BAP1: variants seen among roughly 807,000 people sequenced by gnomAD.
BAP1 encodes BRCA1 associated deubiquitinase 1, also known as ubiquitin carboxyl-terminal hydrolase BAP1.
BAP1 carries 16 observed loss-of-function variants against 77.2 expected under a neutral mutation model. The observed-to-expected ratio is 0.21, with a 90% CI of 0.14 to 0.31. BAP1 has a LOEUF of 0.31. Among genes scored for constraint, BAP1 ranks in the 10% least tolerant of loss-of-function variants. The pLI, the probability that BAP1 is intolerant of heterozygous loss-of-function variation, is 1.00. For synonymous variants in BAP1, 362 were observed against 385.2 expected, an observed-to-expected ratio of 0.94 and a Z score of 0.71; for missense variants, 699 against 967.3, an observed-to-expected ratio of 0.72 and a Z score of 3.68.
chr3:52,405,646 CGG>C lies in BAP1; in HGVS notation c.931+117_931+118del, dbSNP rs372474338. 7,290 of 1,474,658 alleles carry C rather than the reference CGG, an allele frequency of 4.9e-3. 46 individuals carry two copies. The highest frequency in any genetic ancestry group is 0.015 in the South Asian group (1,224 of 81,362). 91.3% of individuals were successfully genotyped at this position (1,474,658 alleles called of 1,614,324 possible). On this transcript the variant is annotated intron_variant, in intron 10 of 16. Coordinates refer to ENST00000460680, the MANE Select transcript of BAP1 (RefSeq NM_004656.4). ...GGACTGCTCTCCCTCTACCTTCTGA[CGG>C]GGGAAGAACACTGCCCAAGGACATC... is the stretch of plus-strand genomic sequence containing the variant.
chr3:52,409,769 G>A (rs755211106), intron 1 of BAP1, 26 bp from the exon 2 acceptor site: 3 of 1,613,620 alleles, frequency 1.9e-6, no homozygotes, highest in South Asian at 1.1e-5. Flanking sequence ...AGAGGAGGGG[G>A]TGATGGTCAG....
chr3:52,407,264 T>C lies in BAP1; in HGVS notation c.490A>G (p.Thr164Ala), dbSNP rs748856655. The C allele has an allele frequency of 6.2e-7, 1 of 1,614,126 alleles. No individual in the cohort carries two copies. ...CTGACAAAGTGGAACGCCTCCATGG[T>C]CCGCACTGCACTAAGGCCATTCTGC... ...EKQNGLSAVR[T>A]MEAFHFVSYV... The change falls in exon 7 of 17, where the codon ACC becomes GCC. Residue 164 changes from threonine (T) to alanine (A), a missense_variant. Thr to Ala is a moderately conservative substitution (Grantham distance 58). This residue lies in a region of BAP1 where 160 missense variants were observed against 322.8 expected (regional missense o/e 0.50). Coordinates refer to ENST00000460680, the MANE Select transcript of BAP1 (RefSeq NM_004656.4).
In BAP1 at chr3:52,401,590, A is replaced by G. The variant is rs1704957292; in HGVS notation, c.*698T>C. 4.3e-6 allele frequency: 1 copy of G among 234,592 alleles called. No individual in the cohort carries two copies. The highest frequency in any genetic ancestry group is 2.2e-5 in the African/African-American group (1 of 45,486). 14.5% of individuals were successfully genotyped at this position (234,592 alleles called of 1,614,324 possible). A position where few individuals can be genotyped will look rare whatever the true frequency, so the allele number is the denominator to read the frequency against. ...CTGGCTAGAACAAGGAAGACAGTTCACAGGCCACTGAACAGTTCCCACATG... is the reference window on the plus strand; with the variant it reads ...CTGGCTAGAACAAGGAAGACAGTTCGCAGGCCACTGAACAGTTCCCACATG... On this transcript the variant is annotated 3_prime_UTR_variant, in exon 17 of 17. Coordinates refer to ENST00000460680, the MANE Select transcript of BAP1 (RefSeq NM_004656.4).
Position 52,408,588 on chromosome 3 carries a change from G to A in BAP1, c.141C>T (p.Ile47=), listed in dbSNP as rs973389335. The A allele has an allele frequency of 6.8e-6, 11 of 1,610,050 alleles. No homozygotes were observed. In the African/African-American group the frequency reaches 8.0e-5, roughly 12 times the overall value. ...GCTCTTCGATCCATTTGAACAGGAA[G>A]ATAAATCCATATACAGGGCTGGGGG... ...SKCQGPVYGF[I]FLFKWIEERR... is the part of the protein sequence containing the mutation. Residue 47 remains isoleucine, a synonymous_variant, in exon 4 of 17, where the codon ATC becomes ATT. Transcript: ENST00000460680.
At position 52,405,905 on chromosome 3, in the gene BAP1, C is replaced by G. The variant is rs978943999; in HGVS notation, c.791G>C (p.Arg264Thr). ...TVLEALQQLI[R>T]VTQPELIQTH... ...CTGAATCAGCTCTGGCTGTGTTACTCTTATCAGCTAACAACAGAATCCAGG... is the reference window on the plus strand; with the variant it reads ...CTGAATCAGCTCTGGCTGTGTTACTGTTATCAGCTAACAACAGAATCCAGG... The change falls in exon 10 of 17, where the codon AGA becomes ACA. Residue 264 changes from arginine to threonine, a missense_variant. Coordinates refer to ENST00000460680, the MANE Select transcript of BAP1 (RefSeq NM_004656.4). The G allele has an allele frequency of 3.2e-5, 51 of 1,613,982 alleles. No homozygotes were observed. Among genetic ancestry groups the G allele is most frequent in the Non-Finnish European group, 4.2e-5 (49 of 1,180,060 alleles).
In BAP1 at chr3:52,403,038, T is replaced by G. The variant is rs780012037; in HGVS notation, c.1890+100A>C. The G allele has an allele frequency of 3.8e-6, 6 of 1,598,906 alleles. No individual in the cohort carries two copies. The African/African-American group carries it at 6.7e-5, about 18-fold the overall frequency. The stretch of plus-strand genomic sequence containing the variant: ...GGCACATGGCTCCAGCCACCAATCT[T>G]CACACCAAAGTTCCAATCAAGAACT... On this transcript the variant is annotated intron_variant, in intron 14 of 16. Coordinates refer to ENST00000460680, the MANE Select transcript of BAP1 (RefSeq NM_004656.4). This position sits in a 1 kb window ranked among gnomAD's most constrained non-coding sequence, Gnocchi z 4.0.
rs148110495 is a variant in BAP1 at position 52,405,647 on chromosome 3, G to A, written c.931+118C>T. On this transcript the variant is annotated intron_variant, in intron 10 of 16. Transcript: ENST00000460680. ...GACTGCTCTCCCTCTACCTTCTGAC[G>A]GGGGAAGAACACTGCCCAAGGACAT... is the stretch of plus-strand genomic sequence containing the variant. The A allele has an allele frequency of 7.5e-4, 1,091 of 1,460,486 alleles. 13 individuals are homozygous for A. In the South Asian group the frequency reaches 8.7e-3, roughly 12 times the overall value. The allele number at this position is 1,460,486 out of a possible 1,614,324, so 90.5% of individuals were successfully genotyped here. A position where few individuals can be genotyped will look rare whatever the true frequency, so the allele number is the denominator to read the frequency against.
At position 52,408,536 on chromosome 3, in the gene BAP1, A is replaced by C. The variant is rs1170352839; in HGVS notation, c.193T>G (p.Leu65Val). The C allele has an allele frequency of 6.2e-7, 1 of 1,612,314 alleles. No homozygotes were observed. The highest frequency in any genetic ancestry group is 8.5e-7 in the Non-Finnish European group (1 of 1,179,290). The stretch of plus-strand genomic sequence containing the variant: ...TCAATCACGGACGTATCATCCACCA[A>C]GGTAGAGACCTTTCGCCGGGACCGG... ...ERRSRRKVST[L>V]VDDTSVIDDD... Residue 65 changes from leucine (L) to valine (V), a missense_variant, in exon 4 of 17, where the codon TTG becomes GTG. Physicochemically the swap from Leu to Val is conservative, Grantham distance 32. This residue lies in a region of BAP1 where 160 missense variants were observed against 322.8 expected (regional missense o/e 0.50). Coordinates refer to ENST00000460680, the MANE Select transcript of BAP1 (RefSeq NM_004656.4).
rs543469377 is a variant in BAP1 at position 52,408,094 on chromosome 3, A to G, written c.256-17T>C. 18 of 1,592,638 alleles carry G rather than the reference A, an allele frequency of 1.1e-5. No homozygotes were observed. The highest frequency in any genetic ancestry group is 1.5e-5 in the Non-Finnish European group (18 of 1,168,240). On this transcript the variant is annotated splice_polypyrimidine_tract_variant and intron_variant, in intron 4 of 16. Coordinates refer to ENST00000460680, the MANE Select transcript of BAP1 (RefSeq NM_004656.4). ...GGGTATCAGCTGTGAAACCAAGAAT[A>G]GTCACCCATACACAGCACCCCTCAC...
chr3:52,402,834 A>G lies in BAP1; in HGVS notation c.1928T>C (p.Ile643Thr), dbSNP rs376519545. 6.2e-7 allele frequency: 1 copy of G among 1,614,048 alleles called. No homozygotes were observed. The change falls in exon 15 of 17, where the codon ATT becomes ACT. Residue 643 changes from isoleucine to threonine, a missense_variant. Ile to Thr is a moderately conservative substitution (Grantham distance 89). This residue lies in a region of BAP1 where 475 missense variants were observed against 532.4 expected (regional missense o/e 0.89). Transcript: ENST00000460680. This position sits in a 1 kb window ranked among gnomAD's most constrained non-coding sequence, Gnocchi z 5.3. ...CTTGAGGCACGCCTCATAGTTTGCA[A>G]TCTCAGCCTCCACACACTTCAGCAG... ...LALLKCVEAE[I>T]ANYEACLKEE...
At chr3:52,409,494 C>G in intron 3 of BAP1, 60 bp downstream of exon 3, 1 of 1,605,398 alleles carries the variant, frequency 6.2e-7, no homozygotes, top group Non-Finnish European at 8.5e-7. Flanking sequence ...GGGCCCTGTT[C>G]TCTGGGACCT....
chr3:52,405,619 A>T, intron 10 of BAP1, 146 bp downstream of exon 10: 1 of 1,307,216 alleles, frequency 7.6e-7, no homozygotes, highest in South Asian at 1.4e-5. Context: ...TTCTTTAGGG[A>T]AGGACTGCTC....
rs2153227985 is a variant in BAP1, at chr3:52,407,469, A to T, written c.376-9T>A. 6.2e-7 allele frequency: 1 copy of T among 1,614,152 alleles called. No individual in the cohort carries two copies. The highest frequency in any genetic ancestry group is 1.1e-5 in the South Asian group (1 of 91,082). On this transcript the variant is annotated splice_polypyrimidine_tract_variant and intron_variant, in intron 5 of 16. Coordinates refer to ENST00000460680, the MANE Select transcript of BAP1 (RefSeq NM_004656.4). ...ATCGCATATCCTTTGCTCTACGGGG[A>T]AGAAAATAAGGCCGTATCAGAATAA...
chr3:52,404,607 G>A (rs770690323), intron 11 of BAP1, 21 bp from the exon 12 acceptor site: 4 of 1,609,996 alleles, frequency 2.5e-6, no homozygotes, highest in African/African-American at 2.7e-5. Context: ...GACCAGGGCA[G>A]TTACAAACAA....
Position 52,402,330 on chromosome 3 carries a change from G to A in BAP1, c.2148C>T (p.Asp716=), listed in dbSNP as rs752843061. 1 of 1,593,408 alleles carries A rather than the reference G, an allele frequency of 6.3e-7. No homozygotes were observed. ...TGTAGGGGCGAGAGCGTTTCCGCCG[G>A]TCAGGCTTCCGCTGCTTGTGGAGCC... The part of the protein sequence containing the change: ...IGRLHKQRKP[D]RRKRSRPYKA... The change falls in exon 17 of 17, where the codon GAC becomes GAT. Residue 716 remains aspartate, a synonymous_variant. Coordinates refer to ENST00000460680, the MANE Select transcript of BAP1 (RefSeq NM_004656.4). The surrounding 1 kb of genome is among the most constrained non-coding windows in gnomAD (Gnocchi z 5.3).
At position 52,407,488 on chromosome 3, in the gene BAP1, A is replaced by G. The variant is rs774518894; in HGVS notation, c.376-28T>C. ...ACGGGGAAGAAAATAAGGCCGTATC[A>G]GAATAATTTCTCCTCAGGTAGGACT... On this transcript the variant is annotated intron_variant, in intron 5 of 16. Coordinates refer to ENST00000460680, the MANE Select transcript of BAP1 (RefSeq NM_004656.4). 5 of 1,613,974 alleles carry G rather than the reference A, an allele frequency of 3.1e-6. No individual in the cohort carries two copies. The African/African-American group carries it at 4.0e-5, about 13-fold the overall frequency.
Position 52,402,814 on chromosome 3 carries a change from G to A in BAP1, c.1948C>T (p.Leu650Phe). The A allele has an allele frequency of 6.2e-7, 1 of 1,614,222 alleles. No homozygotes were observed. The highest frequency in any genetic ancestry group is 8.5e-7 in the Non-Finnish European group (1 of 1,180,044). ...TTCCTCTTCTCTACCTCCTCCTTGAGGCACGCCTCATAGTTTGCAATCTCA... is the reference window on the plus strand; with the variant it reads ...TTCCTCTTCTCTACCTCCTCCTTGAAGCACGCCTCATAGTTTGCAATCTCA... ...EAEIANYEAC[L>F]KEEVEKRKKF... is the part of the protein sequence containing the mutation. Residue 650 changes from leucine (L) to phenylalanine (F), a missense_variant, in exon 15 of 17, where the codon CTC becomes TTC. Leu to Phe is a conservative substitution (Grantham distance 22). This residue lies in a region of BAP1 where 475 missense variants were observed against 532.4 expected (regional missense o/e 0.89). Transcript: ENST00000460680. The surrounding 1 kb of genome is among the most constrained non-coding windows in gnomAD (Gnocchi z 5.3).
At chr3:52,409,675 C>T (rs2153228589) in intron 2 of BAP1, 39 bp downstream of exon 2, 9 of 1,614,132 alleles carry the variant, frequency 5.6e-6, no homozygotes, top group Non-Finnish European at 7.6e-6. Context: ...AGGGGTGGGC[C>T]GCCACAGCCC....
Position 52,406,330 on chromosome 3 carries a change from C to T in BAP1, c.706G>A (p.Asp236Asn), listed in dbSNP as rs1559589762. 3.1e-6 allele frequency: 5 copies of T among 1,614,142 alleles called. No individual in the cohort carries two copies. The highest frequency in any genetic ancestry group is 2.2e-5 in the South Asian group (2 of 91,048). Residue 236 changes from aspartate to asparagine, a missense_variant, in exon 9 of 17, where the codon GAC becomes AAC. By Grantham distance (23) the Asp-to-Asn change is conservative. Around this residue, in one of 3 missense-constraint regions of BAP1, gnomAD observed 160 missense variants for 322.8 expected, o/e 0.50. Transcript: ENST00000460680. The surrounding 1 kb of genome is among the most constrained non-coding windows in gnomAD (Gnocchi z 4.6). ...IRFNLMAVVP[D>N]RRIKYEARLH... The stretch of plus-strand genomic sequence containing the variant: ...CTGGCCTCATACTTGATCCTGCGGT[C>T]GGGCACCACTGCCATCAGGTTGAAG...
Sources: gnomAD v4.1 joint callset for allele counts on GRCh38, gnomAD v4.1.1 for gene constraint, gnomAD v4.1.1 regional missense constraint, Gnocchi (gnomAD v3.1) non-coding constraint, MANE v1.5 for transcripts, NCBI Gene and HGNC (gene_info 2026-07-23, HGNC 2026-07-21) for gene names.